The following OR2L13 variants were observed in gnomAD, a reference collection of about 807,000 sequenced individuals.
OR2L13 encodes olfactory receptor 2L13.
In OR2L13, 14 loss-of-function variants were observed where a neutral mutation model predicts 15.3. The ratio of observed to expected loss-of-function variants is 0.91; its 90% CI spans 0.60 to 1.43. The LOEUF is 1.43. OR2L13 is among the 40% of genes most tolerant of loss of function. The pLI is 0.00. For synonymous variants in OR2L13, 152 were observed against 142.9 expected (o/e 1.06, Z -0.45); for missense variants, 367 against 387.9 (o/e 0.95, Z 0.45).
the OR2L13 span, among the ~76,000 whole-genome samples, chr1:248,034,459 T>A: frequency 6.6e-6 from 1 of 152,182 alleles, no homozygotes; most frequent in African/African-American, 2.4e-5. Context: ...CTATTTAAGG[T>A]CCTTTGAAAT....
chr1:247,938,999 C>T, the OR2L13 span: 3 of 152,082 alleles, frequency 2.0e-5, no homozygotes, highest in East Asian at 1.9e-4. Flanking sequence ...TGAGAAGAAA[C>T]GCAGCTTTTT....
chr1:248,018,477 A>G, the OR2L13 span, among the ~76,000 whole-genome samples: 1 of 152,224 alleles, frequency 6.6e-6, no homozygotes, highest in Non-Finnish European at 1.5e-5. Flanking sequence ...TCCAAATGAC[A>G]TATATGAAAA....
At chr1:248,051,763 CTTTTA>C in the OR2L13 span, among the ~76,000 whole-genome samples, 5 of 140,816 alleles carry the variant, frequency 3.6e-5, no homozygotes, top group South Asian at 2.1e-4. Context: ...CAAGTGTCTG[CTTTTA>C]TTTTATTTAT....
At chr1:248,050,785 A>G in the OR2L13 span, among the ~76,000 whole-genome samples, 3 of 152,182 alleles carry the variant, frequency 2.0e-5, no homozygotes, top group Non-Finnish European at 4.4e-5. Context: ...ATTACGGAGT[A>G]TTGGATTAAT....
At chr1:248,082,236 G>C in the OR2L13 span, among the ~76,000 whole-genome samples, 8 of 145,492 alleles carry the variant, frequency 5.5e-5, 1 homozygote, top group African/African-American at 7.7e-5. Flanking sequence ...GTAAACTATT[G>C]CAAGAACAAA....
chr1:248,002,815 A>G, the OR2L13 span, among the ~76,000 whole-genome samples: 5,702 of 150,650 alleles, frequency 0.038, 306 homozygotes, highest in African/African-American at 0.13. Context: ...CCGAGATCGC[A>G]CCACTGCACT....
At chr1:247,990,531 C>T in the OR2L13 span, 1 of 1,570,458 alleles carries the variant, frequency 6.4e-7, no homozygotes, top group Non-Finnish European at 8.8e-7. Flanking sequence ...TGTATGGAAA[C>T]AAGTCTATCT....
chr1:248,015,957 A>G, the OR2L13 span, among the ~76,000 whole-genome samples: 1 of 152,168 alleles, frequency 6.6e-6, no homozygotes, highest in Non-Finnish European at 1.5e-5. Context: ...TCTAGACACA[A>G]GAGAACCATC....
the OR2L13 span, among the ~76,000 whole-genome samples, chr1:247,993,047 A>AT: frequency 1.3e-5 from 2 of 150,444 alleles, no homozygotes; most frequent in East Asian, 2.0e-4. Context: ...GTTTTTTTTG[A>AT]TTTTTTAATT....
upstream of OR2L13, among the ~76,000 whole-genome samples, chr1:248,091,149 A>G (rs1053582336): frequency 1.3e-4 from 19 of 151,844 alleles, no homozygotes; most frequent in Non-Finnish European, 1.8e-4. Flanking sequence ...TTTCTGCTTG[A>G]TTTGTTTAAA....
chr1:247,997,617 A>G, the OR2L13 span, among the ~76,000 whole-genome samples: 5 of 152,130 alleles, frequency 3.3e-5, no homozygotes, highest in African/African-American at 7.3e-5. Context: ...ATGCCTGAAT[A>G]ACAACATTCA....
At chr1:248,003,233 C>T in the OR2L13 span, 1 of 1,545,340 alleles carries the variant, frequency 6.5e-7, no homozygotes, top group Non-Finnish European at 8.9e-7. Context: ...TTTCATTTTC[C>T]TAATGGCTCT....
the OR2L13 span, among the ~76,000 whole-genome samples, chr1:248,007,792 G>C: frequency 6.6e-6 from 1 of 152,166 alleles, no homozygotes; most frequent in Non-Finnish European, 1.5e-5. Context: ...AACATACACT[G>C]TGTGCATTTA....
At chr1:247,950,319 G>T in the OR2L13 span, among the ~76,000 whole-genome samples, 2 of 152,210 alleles carry the variant, frequency 1.3e-5, no homozygotes, top group African/African-American at 2.4e-5. Context: ...GCTCATCAGT[G>T]GTTCTTAAGT....
upstream of OR2L13, among the ~76,000 whole-genome samples, chr1:248,094,410 C>G (rs1664671716): frequency 6.6e-6 from 1 of 152,100 alleles, no homozygotes; most frequent in South Asian, 2.1e-4. Context: ...TTGATTGAGC[C>G]CTTCCTCTGC....
the OR2L13 span, among the ~76,000 whole-genome samples, chr1:248,001,349 G>A: frequency 3.3e-5 from 5 of 151,710 alleles, no homozygotes; most frequent in Non-Finnish European, 7.4e-5. Flanking sequence ...CAGGTTTAAG[G>A]TTTGTGGGTC....
chr1:248,003,944 G>T, the OR2L13 span: 7 of 1,613,394 alleles, frequency 4.3e-6, no homozygotes, highest in South Asian at 1.1e-5. Context: ...AGAGGACAAG[G>T]TTCTGGCTGT....
At chr1:248,009,683 C>G in the OR2L13 span, among the ~76,000 whole-genome samples, 1 of 151,894 alleles carries the variant, frequency 6.6e-6, no homozygotes, top group African/African-American at 2.4e-5. Flanking sequence ...AGCATCTCCC[C>G]AACACCAAAA....
At chr1:248,052,687 T>C in the OR2L13 span, among the ~76,000 whole-genome samples, 1 of 152,054 alleles carries the variant, frequency 6.6e-6, no homozygotes, top group African/African-American at 2.4e-5. Context: ...CCTGAGATGG[T>C]GCCACTGCAC....
Sources: allele counts gnomAD v4.1 joint callset (sites outside exome capture counted in the v4.1 genomes callset), GRCh38; gene constraint gnomAD v4.1.1; transcripts MANE v1.5; gene names NCBI Gene and HGNC (gene_info 2026-07-23, HGNC 2026-07-21).